The following ROBO2 variants were observed in gnomAD, a reference collection of about 807,000 sequenced individuals.
The protein encoded by ROBO2 is roundabout guidance receptor 2, also known as roundabout homolog 2.
A neutral mutation model predicts 160.8 loss-of-function variants in ROBO2; 53 were observed. The observed-to-expected ratio is 0.33, with a 90% CI of 0.26 to 0.41. The LOEUF (loss-of-function observed/expected upper bound fraction) is 0.41. ROBO2 is among the 10% of genes least tolerant of loss of function. The probability of loss-of-function intolerance (pLI) is 1.00; values close to 1 mark genes in which losing one functional copy is unlikely to be tolerated. For missense variants in ROBO2, 1,577 were observed against 1,722.4 expected (o/e 0.92, Z 1.49); for synonymous variants, 664 against 611.7 (o/e 1.09, Z -1.26).
intron 2 of ROBO2, among the ~76,000 whole-genome samples, chr3:77,141,425 G>T (rs1348870837): frequency 2.0e-5 from 3 of 152,078 alleles, no homozygotes; most frequent in Admixed American, 6.6e-5. Flanking sequence ...TTCTGCTCTG[G>T]TCCATTGCCT....
chr3:75,932,997 G>A (rs975404864), intron 1 of ROBO2, among the ~76,000 whole-genome samples: 3 of 152,122 alleles, frequency 2.0e-5, no homozygotes, highest in Non-Finnish European at 4.4e-5. Context: ...CAAGACTTTG[G>A]ACATCACTAT....
chr3:76,008,890 A>T (rs1006096454), intron 2 of ROBO2, among the ~76,000 whole-genome samples: 1 of 152,128 alleles, frequency 6.6e-6, no homozygotes, highest in Non-Finnish European at 1.5e-5. Context: ...GGGGAAATCT[A>T]TGTATATTTA....
intron 2 of ROBO2, among the ~76,000 whole-genome samples, chr3:77,225,113 C>A (rs926556942): frequency 6.6e-6 from 1 of 151,644 alleles, no homozygotes; most frequent in Non-Finnish European, 1.5e-5. Flanking sequence ...TTTATCTATC[C>A]CTCCTGTTCT....
chr3:76,990,952 C>A (rs571626570), intron 2 of ROBO2, among the ~76,000 whole-genome samples: 142 of 152,176 alleles, frequency 9.3e-4, no homozygotes, highest in Non-Finnish European at 1.7e-3. Context: ...CCCACCCCAA[C>A]GGAAGAATTA....
intron 2 of ROBO2, among the ~76,000 whole-genome samples, chr3:76,643,123 T>C (rs972231414): frequency 1.6e-4 from 24 of 152,200 alleles, no homozygotes; most frequent in African/African-American, 5.5e-4. Flanking sequence ...TTAAAACTGG[T>C]AATTCTTTTC....
chr3:76,600,617 C>T (rs1283739079), intron 2 of ROBO2, among the ~76,000 whole-genome samples: 2 of 152,160 alleles, frequency 1.3e-5, no homozygotes, highest in Non-Finnish European at 2.9e-5. Context: ...CATTCACTAT[C>T]ATGAGAACAG....
chr3:76,108,557 AT>A (rs2070058913), intron 2 of ROBO2, among the ~76,000 whole-genome samples: 1 of 151,836 alleles, frequency 6.6e-6, no homozygotes, highest in African/African-American at 2.4e-5. Context: ...AATTATATCT[AT>A]ACTATGGATA....
intron 2 of ROBO2, among the ~76,000 whole-genome samples, chr3:76,505,064 A>G (rs1487450212): frequency 6.6e-6 from 1 of 152,128 alleles, no homozygotes; most frequent in Admixed American, 6.5e-5. Flanking sequence ...TGAAAAGGAG[A>G]GAAAGAAGAA....
At chr3:76,372,013 A>G (rs1363631534) in intron 2 of ROBO2, among the ~76,000 whole-genome samples, 7 of 152,044 alleles carry the variant, frequency 4.6e-5, no homozygotes, top group South Asian at 4.1e-4. Context: ...TTGATTGTCA[A>G]CTGATAACAT....
chr3:76,214,450 G>T (rs1232687683), intron 2 of ROBO2, among the ~76,000 whole-genome samples: 1 of 152,116 alleles, frequency 6.6e-6, no homozygotes, highest in Admixed American at 6.5e-5. Flanking sequence ...CGGAAAATCT[G>T]GTCACTCCCA....
rs896031856 is a variant in ROBO2 at position 76,038,611 on chromosome 3, T to G, written c.109+101009T>G. Among the ~76,000 whole-genome samples, 5 of 151,986 alleles carry G rather than the reference T, an allele frequency of 3.3e-5. 1 individual carries two copies. Among genetic ancestry groups the G allele is most frequent in the African/African-American group, 1.2e-4 (5 of 41,252 alleles). ...CACCAGTGTCCCCATGGGCTGAAGC[T>G]GCATCCGGCCCACTTTCTCTCCTTG... On this transcript the variant is annotated intron_variant, in intron 2 of 26. Coordinates refer to the ROBO2 transcript ENST00000487694.
chr3:77,269,935 AG>A (rs1159730998), intron 2 of ROBO2, among the ~76,000 whole-genome samples: 1 of 152,194 alleles, frequency 6.6e-6, no homozygotes, highest in Non-Finnish European at 1.5e-5. Context: ...TGATTTTAAA[AG>A]CCCTCTAATT....
chr3:77,217,546 T>A (rs764802987), intron 2 of ROBO2, among the ~76,000 whole-genome samples: 5 of 152,250 alleles, frequency 3.3e-5, no homozygotes, highest in Non-Finnish European at 7.3e-5. Flanking sequence ...GATGTGTTTT[T>A]TGCTCCTGGT....
intron 2 of ROBO2, among the ~76,000 whole-genome samples, chr3:76,797,310 G>A (rs1208996400): frequency 1.3e-5 from 2 of 152,048 alleles, no homozygotes; most frequent in Admixed American, 6.6e-5. Context: ...CAAATATGTG[G>A]AAATTAAACA....
chr3:77,486,665 A>G (rs2085396205), intron 4 of ROBO2, among the ~76,000 whole-genome samples: 1 of 151,840 alleles, frequency 6.6e-6, no homozygotes, highest in African/African-American at 2.4e-5. Context: ...TGGATATTAG[A>G]CCTTTGTCAG....
At chr3:76,797,030 G>A (rs1190343233) in intron 2 of ROBO2, among the ~76,000 whole-genome samples, 4 of 152,168 alleles carry the variant, frequency 2.6e-5, no homozygotes, top group South Asian at 2.1e-4. Flanking sequence ...TTGAGAAGTG[G>A]ACAGATCATC....
chr3:76,321,299 G>A (rs559629537), intron 2 of ROBO2, among the ~76,000 whole-genome samples: 1 of 152,034 alleles, frequency 6.6e-6, no homozygotes, highest in African/African-American at 2.4e-5. Context: ...GGCGGATCAC[G>A]AGGTCAAGAG....
chr3:76,765,532 G>A (rs889795842), intron 2 of ROBO2, among the ~76,000 whole-genome samples: 4 of 151,582 alleles, frequency 2.6e-5, no homozygotes, highest in South Asian at 2.1e-4. Flanking sequence ...GACTTGCAAC[G>A]TTACTTCATA....
intron 2 of ROBO2, among the ~76,000 whole-genome samples, chr3:76,348,128 T>C (rs2074643194): frequency 7.0e-6 from 1 of 142,340 alleles, no homozygotes; most frequent in Non-Finnish European, 1.5e-5. Context: ...CCGCCATCAT[T>C]CCACTGTCTC....
Sources: gnomAD v4.1 joint callset for allele counts (sites outside exome capture counted in the v4.1 genomes callset) on GRCh38, gnomAD v4.1.1 for gene constraint, MANE v1.5 for transcripts, NCBI Gene and HGNC (gene_info 2026-07-23, HGNC 2026-07-21) for gene names.